CREG1: variants seen among roughly 807,000 people sequenced by gnomAD.
CREG1 encodes cellular repressor of E1A stimulated genes 1.
In CREG1, 20 loss-of-function variants were observed where a neutral mutation model predicts 19.9. That is an observed-to-expected ratio of 1.01 (90% confidence interval 0.71 to 1.46). CREG1 has a LOEUF of 1.46. Ranked by LOEUF, CREG1 falls within the 40% of genes most tolerant of loss-of-function variation. CREG1 has a pLI of 0.00. For missense variants in CREG1, 290 were observed against 314.9 expected (o/e 0.92, Z 0.60); for synonymous variants, 141 against 143.3 (o/e 0.98, Z 0.12).
chr1:167,549,578 T>C (rs1228393379), intron 1 of CREG1, among the ~76,000 whole-genome samples: 1 of 152,044 alleles, frequency 6.6e-6, no homozygotes, highest in African/African-American at 2.4e-5. Flanking sequence ...AGAGACTGGG[T>C]TTCATCATGT....
At position 167,546,274 on chromosome 1, in the gene CREG1, T is replaced by C. The variant is rs1488105163; in HGVS notation, c.486A>G (p.Thr162=). Residue 162 remains threonine (T), a synonymous_variant, in exon 3 of 4, where the codon ACA becomes ACG. Transcript: ENST00000370509. The part of the protein sequence containing the change: ...LSGTVTKVNE[T]EMDIAKHSLF... ...ACGAATGCTTTGCAATATCCATTTC[T>C]GTTTCATTCACCTAAAGGACATATA... 1.0e-5 allele frequency: 16 copies of C among 1,595,430 alleles called. No homozygotes were observed. Among genetic ancestry groups the C allele is most frequent in the African/African-American group, 1.3e-5 (1 of 74,138 alleles).
intron 1 of CREG1, among the ~76,000 whole-genome samples, chr1:167,551,187 C>G (rs1041743043): frequency 6.6e-6 from 1 of 152,134 alleles, no homozygotes; most frequent in African/African-American, 2.4e-5. Context: ...TTGAAGCTCA[C>G]AACATATCTC....
At position 167,553,409 on chromosome 1, in the gene CREG1, C is replaced by A; in HGVS notation, c.333G>T (p.Gln111His). 1 of 1,449,804 alleles carries A rather than the reference C, an allele frequency of 6.9e-7. No individual in the cohort carries two copies. The allele number at this position is 1,449,804 out of a possible 1,614,324, so 89.8% of individuals were successfully genotyped here. ...GVPYFYLSPL[Q>H]LSVSNLQENP... ...TCACCTGCAGGTTGCTCACGGAGAG[C>A]TGCAGCGGGCTCAGGTAGAAATAGG... The change falls in exon 1 of 4, where the codon CAG becomes CAT. Residue 111 changes from glutamine to histidine, a missense_variant. By Grantham distance (24) the Gln-to-His change is conservative (BLOSUM62 0). Transcript: ENST00000370509.
Position 167,546,103 on chromosome 1 carries a change from A to G in CREG1, c.657T>C (p.Val219=). The G allele has an allele frequency of 6.3e-7, 1 of 1,598,212 alleles. No individual in the cohort carries two copies. Among genetic ancestry groups the G allele is most frequent in the South Asian group, 1.1e-5 (1 of 88,494 alleles). Residue 219 remains valine, a splice_region_variant and synonymous_variant, in exon 3 of 4, where the codon GTT becomes GTC. Coordinates refer to ENST00000370509, the MANE Select transcript of CREG1 (RefSeq NM_003851.3). ...GTGAAAGATGTGTAAGTACTTACTG[A>G]ACTGTGACATTATAATATTCTTCTG... ...VTPEEYYNVT[V]Q is the part of the protein sequence containing the mutation.
rs369208466 is a variant in CREG1, at chr1:167,542,267, A to G, written c.*31T>C. 2.1e-5 allele frequency: 33 copies of G among 1,595,058 alleles called. No individual in the cohort carries two copies. Among genetic ancestry groups the G allele is most frequent in the Admixed American group, 9.0e-5 (5 of 55,846 alleles). On this transcript the variant is annotated 3_prime_UTR_variant, in exon 4 of 4. Coordinates refer to ENST00000370509, the MANE Select transcript of CREG1 (RefSeq NM_003851.3). ...TGTATGAGCCACTTTAAGAAACTTC[A>G]TAAGTGTTGCTAAATTCACCACAGT...
intron 1 of CREG1, among the ~76,000 whole-genome samples, chr1:167,552,713 T>G (rs964393764): frequency 6.6e-6 from 1 of 152,178 alleles, no homozygotes; most frequent in Non-Finnish European, 1.5e-5. Context: ...TTAAAGTGCT[T>G]AAGTACCTAA....
At chr1:167,543,434 T>C (rs1479879930) in intron 3 of CREG1, among the ~76,000 whole-genome samples, 1 of 152,182 alleles carries the variant, frequency 6.6e-6, no homozygotes, top group African/African-American at 2.4e-5. Context: ...GTGAAACAGA[T>C]TTCAGATGCA....
intron 3 of CREG1, among the ~76,000 whole-genome samples, chr1:167,545,815 GA>G (rs2102149738): frequency 6.6e-6 from 1 of 151,526 alleles, no homozygotes; most frequent in Non-Finnish European, 1.5e-5. Context: ...GAAAAAAAAA[GA>G]AAAAGTAATA....
At chr1:167,545,628 A>G (rs1320252304) in intron 3 of CREG1, among the ~76,000 whole-genome samples, 1 of 152,062 alleles carries the variant, frequency 6.6e-6, no homozygotes, top group African/African-American at 2.4e-5. Flanking sequence ...GGAGTTCGAC[A>G]CCACCCTCTT....
chr1:167,553,683 G>A lies in CREG1; in HGVS notation c.59C>T (p.Thr20Met). ...RALLAALLAS[T>M]LLALLVSPAR... ...GGGCGACACGAGCAGCGCCAACAGC[G>A]TCGACGCCAGCAGGGCGGCGAGCAG... Residue 20 changes from threonine (T) to methionine (M), a missense_variant, in exon 1 of 4, where the codon ACG (threonine) becomes ATG (methionine). Coordinates refer to ENST00000370509, the MANE Select transcript of CREG1 (RefSeq NM_003851.3). 8 of 1,322,986 alleles carry A rather than the reference G, an allele frequency of 6.0e-6. No individual in the cohort carries two copies. The highest frequency in any genetic ancestry group is 4.3e-5 in the South Asian group (2 of 46,888). The allele number at this position is 1,322,986 out of a possible 1,614,324, so 82.0% of individuals were successfully genotyped here.
chr1:167,549,292 T>C (rs1350302710), intron 1 of CREG1, among the ~76,000 whole-genome samples: 1 of 152,174 alleles, frequency 6.6e-6, no homozygotes, highest in African/African-American at 2.4e-5. Flanking sequence ...CACTGTTTTC[T>C]AAGAACCACC....
At chr1:167,545,178 G>A (rs1167330332) in intron 3 of CREG1, among the ~76,000 whole-genome samples, 1 of 152,100 alleles carries the variant, frequency 6.6e-6, no homozygotes, top group Non-Finnish European at 1.5e-5. Flanking sequence ...GGCATTCACA[G>A]TCCAGGAGCA....
Position 167,542,282 on chromosome 1 carries a change from T to C in CREG1, c.*16A>G. 6.2e-7 allele frequency: 1 copy of C among 1,600,934 alleles called. No homozygotes were observed. The highest frequency in any genetic ancestry group is 1.1e-5 in the South Asian group (1 of 88,084). ...AAGAAACTTCATAAGTGTTGCTAAA[T>C]TCACCACAGTCTGCTTCACCTAGAA... On this transcript the variant is annotated 3_prime_UTR_variant, in exon 4 of 4. Coordinates refer to ENST00000370509, the MANE Select transcript of CREG1 (RefSeq NM_003851.3).
chr1:167,545,338 A>C (rs12035288), intron 3 of CREG1, among the ~76,000 whole-genome samples: 1 of 151,504 alleles, frequency 6.6e-6, no homozygotes, highest in African/African-American at 2.4e-5. Flanking sequence ...GCTCAAAAAA[A>C]TTTTTTTTTC....
At chr1:167,550,374 C>A (rs183798492) in intron 1 of CREG1, among the ~76,000 whole-genome samples, 3 of 152,280 alleles carry the variant, frequency 2.0e-5, no homozygotes, top group Admixed American at 2.0e-4. Flanking sequence ...GGCCAGAGGG[C>A]AATGCTGTGA....
chr1:167,549,030 T>C (rs1009476981), intron 1 of CREG1, among the ~76,000 whole-genome samples: 8 of 152,162 alleles, frequency 5.3e-5, no homozygotes, highest in Admixed American at 5.2e-4. Flanking sequence ...ACCAGAGTGA[T>C]AGAGGAACTG....
chr1:167,549,143 A>G (rs1656379541), intron 1 of CREG1, among the ~76,000 whole-genome samples: 1 of 152,202 alleles, frequency 6.6e-6, no homozygotes, highest in Admixed American at 6.5e-5. Context: ...GGGTGAGCCT[A>G]AGACTTGATG....
chr1:167,553,703 G>C lies in CREG1; in HGVS notation c.39C>G (p.Leu13=), dbSNP rs989577316. The C allele has an allele frequency of 7.6e-7, 1 of 1,307,706 alleles. No individual in the cohort carries two copies. Among genetic ancestry groups the C allele is most frequent in the Non-Finnish European group, 9.7e-7 (1 of 1,034,480 alleles). 81.0% of individuals were successfully genotyped at this position (1,307,706 alleles called of 1,614,324 possible). A position where few individuals can be genotyped will look rare whatever the true frequency, so the allele number is the denominator to read the frequency against. ...ACAGCGTCGACGCCAGCAGGGCGGC[G>C]AGCAGTGCGCGCGCGGACCCGCGGG... The part of the protein sequence containing the change: ...GLSRGSARAL[L]AALLASTLLA... The change falls in exon 1 of 4, where the codon CTC becomes CTG. Residue 13 remains leucine, a synonymous_variant. Coordinates refer to ENST00000370509, the MANE Select transcript of CREG1 (RefSeq NM_003851.3).
intron 1 of CREG1, among the ~76,000 whole-genome samples, chr1:167,549,753 T>C (rs1656392922): frequency 6.6e-6 from 1 of 152,076 alleles, no homozygotes; most frequent in Non-Finnish European, 1.5e-5. Context: ...GGCACAATCA[T>C]GGCTCATTGT....
Sources: gnomAD v4.1 joint callset for allele counts (sites outside exome capture counted in the v4.1 genomes callset) on GRCh38, gnomAD v4.1.1 for gene constraint, MANE v1.5 for transcripts, NCBI Gene and HGNC (gene_info 2026-07-23, HGNC 2026-07-21) for gene names.